Variants in LIX1 observed in about 807,000 individuals in gnomAD.
The protein encoded by LIX1 is protein limb expression 1 homolog.
A neutral mutation model predicts 33.4 loss-of-function variants in LIX1; 24 were observed. That is an observed-to-expected ratio of 0.72 (90% CI 0.52 to 1.01). The LOEUF (loss-of-function observed/expected upper bound fraction) is 1.01. Among genes scored for constraint, LIX1 ranks in the 50% least tolerant of loss-of-function variants. LIX1 has a pLI of 0.00. For synonymous variants in LIX1, 124 were observed against 124.0 expected (o/e 1.00, Z 0.00); for missense variants, 311 against 339.2 (o/e 0.92, Z 0.65).
chr5:97,103,957 TC>T (rs1746870998), intron 4 of LIX1, among the ~76,000 whole-genome samples: 2 of 131,536 alleles, frequency 1.5e-5, no homozygotes, highest in Admixed American at 1.6e-4. Flanking sequence ...AGAGCTAGAC[TC>T]CGTCTCAAAA....
intron 4 of LIX1, among the ~76,000 whole-genome samples, chr5:97,102,809 T>C (rs188677169): frequency 6.6e-6 from 1 of 152,138 alleles, no homozygotes; most frequent in Non-Finnish European, 1.5e-5. Flanking sequence ...TCTTAATTTT[T>C]CCAAAAATAG....
At chr5:97,122,821 C>T (rs888048141) in intron 2 of LIX1, among the ~76,000 whole-genome samples, 11 of 152,166 alleles carry the variant, frequency 7.2e-5, no homozygotes, top group Non-Finnish European at 1.5e-4. Flanking sequence ...CCTCTAAATC[C>T]TTACTGAAGG....
intron 4 of LIX1, among the ~76,000 whole-genome samples, chr5:97,098,722 C>T (rs1189560990): frequency 6.6e-6 from 1 of 151,982 alleles, no homozygotes; most frequent in Non-Finnish European, 1.5e-5. Flanking sequence ...TCTCTTAAAA[C>T]AAAACAAAAA....
chr5:97,124,632 G>T lies in LIX1; in HGVS notation c.83-3C>A, dbSNP rs1396822340. 2 of 1,604,030 alleles carry T rather than the reference G, an allele frequency of 1.2e-6. No homozygotes were observed. The highest frequency in any genetic ancestry group is 1.7e-6 in the Non-Finnish European group (2 of 1,174,990). ...CTGTAACATTGACACAACGTTCACT[G>T]AAAAAGACAAGAAACACCATCAGTT... is the stretch of plus-strand genomic sequence containing the variant. On this transcript the variant is annotated splice_polypyrimidine_tract_variant and splice_region_variant and intron_variant, in intron 1 of 5. Coordinates refer to ENST00000274382, the MANE Select transcript of LIX1 (RefSeq NM_153234.5).
At chr5:97,141,487 A>G (rs1748284892) in intron 1 of LIX1, among the ~76,000 whole-genome samples, 2 of 152,238 alleles carry the variant, frequency 1.3e-5, no homozygotes, top group South Asian at 2.1e-4. Flanking sequence ...ATAGAATTAA[A>G]TGGCCTAACA....
chr5:97,132,003 G>A (rs1265955874), intron 1 of LIX1, among the ~76,000 whole-genome samples: 1 of 152,204 alleles, frequency 6.6e-6, no homozygotes, highest in African/African-American at 2.4e-5. Context: ...TAGTGCTTAG[G>A]AAACTCCTGA....
chr5:97,141,466 A>G (rs1748284393), intron 1 of LIX1, among the ~76,000 whole-genome samples: 3 of 152,236 alleles, frequency 2.0e-5, no homozygotes, highest in Admixed American at 6.5e-5. Context: ...AACATCTAAG[A>G]GGAAAAATTT....
chr5:97,119,734 ATTTCT>A (rs1747732686), intron 2 of LIX1, among the ~76,000 whole-genome samples: 1 of 151,866 alleles, frequency 6.6e-6, no homozygotes, highest in African/African-American at 2.4e-5. Flanking sequence ...TTTGTTTCCT[ATTTCT>A]TTTCTTTTTT....
chr5:97,094,130 A>C lies in LIX1; in HGVS notation c.*618T>G, dbSNP rs1310927614. 6.6e-6 allele frequency: 1 copy of C among 152,322 alleles called. No homozygotes were observed. Among genetic ancestry groups the C allele is most frequent in the East Asian group, 1.9e-4 (1 of 5,308 alleles). 9.4% of individuals were successfully genotyped at this position (152,322 alleles called of 1,614,324 possible). A position where few individuals can be genotyped will look rare whatever the true frequency, so the allele number is the denominator to read the frequency against. ...GGTTTTAAAAATTATTGTTACAAAA[A>C]CATTTTAAACATTAATTTTATCTAG... On this transcript the variant is annotated 3_prime_UTR_variant, in exon 6 of 6. Transcript: ENST00000274382.
At chr5:97,119,270 G>A (rs146044149) in intron 2 of LIX1, among the ~76,000 whole-genome samples, 213 of 152,284 alleles carry the variant, frequency 1.4e-3, no homozygotes, top group African/African-American at 4.8e-3. Flanking sequence ...ATAATCCATC[G>A]TGAAATGATT....
At chr5:97,096,716 G>T in intron 5 of LIX1, 94 bp downstream of exon 5, 2 of 889,622 alleles carry the variant, frequency 2.2e-6, no homozygotes, top group South Asian at 1.5e-5. Flanking sequence ...ATTTATATTT[G>T]GAAAAATCCG....
chr5:97,105,464 A>T (rs953902033), intron 3 of LIX1, among the ~76,000 whole-genome samples, 179 bp from the exon 4 acceptor site: 12 of 152,218 alleles, frequency 7.9e-5, no homozygotes, highest in African/African-American at 2.9e-4. Flanking sequence ...TGAGCGTTTG[A>T]TAGAATACTA....
intron 4 of LIX1, among the ~76,000 whole-genome samples, chr5:97,098,357 G>A (rs1275208413): frequency 6.6e-6 from 1 of 152,154 alleles, no homozygotes; most frequent in African/African-American, 2.4e-5. Flanking sequence ...AAGCTAAGGT[G>A]TATAAGTTTA....
At chr5:97,136,668 G>A (rs1748178511) in intron 1 of LIX1, among the ~76,000 whole-genome samples, 1 of 152,096 alleles carries the variant, frequency 6.6e-6, no homozygotes, top group South Asian at 2.1e-4. Flanking sequence ...AAGGAGTGGT[G>A]ACGAAATGAT....
chr5:97,101,627 A>G (rs1306427641), intron 4 of LIX1: 1 of 152,162 alleles, frequency 6.6e-6, no homozygotes, highest in East Asian at 1.9e-4. Flanking sequence ...CATTCATTTC[A>G]TGTAAACAGA....
chr5:97,092,536 T>G lies in LIX1; in HGVS notation c.*2212A>C, dbSNP rs1261114696. 3.9e-5 allele frequency: 6 copies of G among 152,386 alleles called. No individual in the cohort carries two copies. Among genetic ancestry groups the G allele is most frequent in the African/African-American group, 7.2e-5 (3 of 41,460 alleles). The allele number at this position is 152,386 out of a possible 1,614,324, so 9.4% of individuals were successfully genotyped here. ...TCAGCATTAAAGGGACCAGCAAAGA[T>G]TCTGACTTTTATTTATTTTGCTGAA... On this transcript the variant is annotated 3_prime_UTR_variant, in exon 6 of 6. Coordinates refer to ENST00000274382, the MANE Select transcript of LIX1 (RefSeq NM_153234.5).
At position 97,093,135 on chromosome 5, in the gene LIX1, A is replaced by C. The variant is rs1445346320; in HGVS notation, c.*1613T>G. 6.6e-6 allele frequency: 1 copy of C among 152,346 alleles called. No homozygotes were observed. The highest frequency in any genetic ancestry group is 1.9e-4 in the East Asian group (1 of 5,326). The allele number at this position is 152,346 out of a possible 1,614,324, so 9.4% of individuals were successfully genotyped here. A position where few individuals can be genotyped will look rare whatever the true frequency, so the allele number is the denominator to read the frequency against. Reference sequence around the variant, plus strand: ...GGTGTGAGATATGTGATACATGATAATCTTTTATTATCAAGTCTAATTCCA... The same window carrying C: ...GGTGTGAGATATGTGATACATGATACTCTTTTATTATCAAGTCTAATTCCA... On this transcript the variant is annotated 3_prime_UTR_variant, in exon 6 of 6. Coordinates refer to ENST00000274382, the MANE Select transcript of LIX1 (RefSeq NM_153234.5).
chr5:97,133,351 A>C (rs891025980), intron 1 of LIX1, among the ~76,000 whole-genome samples: 2 of 152,236 alleles, frequency 1.3e-5, no homozygotes, highest in African/African-American at 4.8e-5. Flanking sequence ...TAGTGTCTAC[A>C]TCACAGGGGT....
intron 1 of LIX1, among the ~76,000 whole-genome samples, chr5:97,137,524 C>A (rs1242701377): frequency 6.6e-6 from 1 of 150,824 alleles, no homozygotes; most frequent in Admixed American, 6.6e-5. Flanking sequence ...ATTTATATTT[C>A]TTCCTTAGTA....
Sources: gnomAD v4.1 joint callset for allele counts (sites outside exome capture counted in the v4.1 genomes callset) on GRCh38, gnomAD v4.1.1 for gene constraint, MANE v1.5 for transcripts, NCBI Gene and HGNC (gene_info 2026-07-23, HGNC 2026-07-21) for gene names.